ZNF618: variants seen among roughly 807,000 people sequenced by gnomAD.
The protein encoded by ZNF618 is neural precursor cell expressed, developmentally down-regulated 10.
Under a neutral mutation model 103.0 loss-of-function variants are expected in ZNF618, and 34 were observed. The ratio of observed to expected loss-of-function variants is 0.33; its 90% CI spans 0.25 to 0.44. The LOEUF (loss-of-function observed/expected upper bound fraction) is 0.44. Among genes scored for constraint, ZNF618 ranks in the 20% least tolerant of loss-of-function variants. ZNF618 has a pLI of 1.00. For synonymous variants in ZNF618, 551 were observed against 542.2 expected (o/e 1.02, Z -0.23); for missense variants, 1,059 against 1,295.4 (o/e 0.82, Z 2.80).
At chr9:113,950,530 GC>G (rs1169677717) in intron 1 of ZNF618, among the ~76,000 whole-genome samples, 3 of 152,184 alleles carry the variant, frequency 2.0e-5, no homozygotes, top group Non-Finnish European at 4.4e-5. Flanking sequence ...TGGGGTTTGA[GC>G]CCAGCCAGGC....
Position 113,922,927 on chromosome 9 carries a change from C to G in ZNF618, c.34-46190C>G, listed in dbSNP as rs186321383. Among the ~76,000 whole-genome samples the G allele has an allele frequency of 2.0e-4, 30 of 152,310 alleles. No individual in the cohort carries two copies. In the East Asian group the frequency reaches 5.4e-3, roughly 27 times the overall value. The stretch of plus-strand genomic sequence containing the variant: ...ATCTTAACAATACGGAGTCTTCCCT[C>G]CATGAACATGGAATATCTCTTTATT... On this transcript the variant is annotated intron_variant, in intron 1 of 14. Coordinates refer to ENST00000374126, the MANE Select transcript of ZNF618 (RefSeq NM_001318042.2).
intron 1 of ZNF618, among the ~76,000 whole-genome samples, chr9:113,950,014 A>G (rs570479792): frequency 6.6e-6 from 1 of 151,362 alleles, no homozygotes; most frequent in African/African-American, 2.4e-5. Flanking sequence ...CTTCCATTAA[A>G]CCCCCGTAGA....
At chr9:113,975,810 G>C (rs967063483) in intron 2 of ZNF618, among the ~76,000 whole-genome samples, 1 of 152,192 alleles carries the variant, frequency 6.6e-6, no homozygotes, top group South Asian at 2.1e-4. Context: ...TGAGAACGGG[G>C]TATGTTTTGG....
rs58064458 is a variant in ZNF618, at chr9:113,946,398, C to CA, written c.34-22701dup. Among the ~76,000 whole-genome samples the CA allele has an allele frequency of 7.4e-3, 855 of 114,814 alleles. 8 individuals carry two copies. Among genetic ancestry groups the CA allele is most frequent in the South Asian group, 0.035 (122 of 3,516 alleles). The allele number at this position is 114,814 out of a possible 152,430, so 75.3% of individuals were successfully genotyped here. ...CAATTAGTGAAGTGGGGGAAGTCTT[C>CA]AAAAAAAAAAAAAAAAAAGATGCAG... On this transcript the variant is annotated intron_variant, in intron 1 of 14. Transcript: ENST00000374126.
intron 1 of ZNF618, among the ~76,000 whole-genome samples, chr9:113,878,978 G>A (rs1331402102): frequency 6.6e-6 from 1 of 151,660 alleles, no homozygotes; most frequent in Non-Finnish European, 1.5e-5. Context: ...GGGCTGACTG[G>A]TCACATTCTG....
chr9:114,036,469 G>T (rs774789689), intron 13 of ZNF618, 92 bp downstream of exon 13: 3 of 1,341,372 alleles, frequency 2.2e-6, no homozygotes, highest in Non-Finnish European at 3.1e-6. Flanking sequence ...CCCTGGAGAA[G>T]GCCGCTCTTT....
chr9:113,989,017 C>A (rs1839766896), intron 3 of ZNF618, among the ~76,000 whole-genome samples: 1 of 152,194 alleles, frequency 6.6e-6, no homozygotes, highest in Non-Finnish European at 1.5e-5. Context: ...ATGGCACTTC[C>A]CCTGCCTCTT....
rs3748182 is a variant in ZNF618, at chr9:114,008,505, G to A, written c.705G>A (p.Thr235=). ...CCTTCGACCAAGGTGTCGTGGCCAC[G>A]GACGAGGTGAAGGAGGAGCCCCCGG... is the stretch of plus-strand genomic sequence containing the variant. The part of the protein sequence containing the change: ...ADPFDQGVVA[T]DEVKEEPPEP... Residue 235 remains threonine (T), a synonymous_variant, in exon 9 of 15, where the codon ACG becomes ACA. Coordinates refer to ENST00000374126, the MANE Select transcript of ZNF618 (RefSeq NM_001318042.2). The A allele has an allele frequency of 0.34, 548,292 of 1,612,946 alleles. 99,766 individuals are homozygous for A. The highest frequency in any genetic ancestry group is 0.64 in the East Asian group (28,452 of 44,786).
chr9:114,018,555 G>A (rs913720608), intron 10 of ZNF618, among the ~76,000 whole-genome samples: 1 of 152,216 alleles, frequency 6.6e-6, no homozygotes, highest in Non-Finnish European at 1.5e-5. Flanking sequence ...AAGATGGGGA[G>A]CTTGGCTTTG....
At chr9:113,969,302 C>G in intron 2 of ZNF618, 142 bp downstream of exon 2, 1 of 1,018,388 alleles carries the variant, frequency 9.8e-7, no homozygotes, top group Non-Finnish European at 1.5e-6. Flanking sequence ...AGTATCCAGA[C>G]TTCCCCAAAG....
intron 1 of ZNF618, among the ~76,000 whole-genome samples, chr9:113,967,704 G>C (rs1410787542): frequency 6.6e-6 from 1 of 152,212 alleles, no homozygotes; most frequent in East Asian, 1.9e-4. Context: ...GATTAAATGA[G>C]AGAAGGCATT....
intron 1 of ZNF618, among the ~76,000 whole-genome samples, chr9:113,968,465 C>T (rs1048639339): frequency 6.6e-6 from 1 of 152,128 alleles, no homozygotes; most frequent in Non-Finnish European, 1.5e-5. Context: ...CTCTGTCAGC[C>T]TCTGCATTGA....
Position 114,049,264 on chromosome 9 carries a change from G to T in ZNF618, c.1962G>T (p.Gln654His). 1.2e-6 allele frequency: 2 copies of T among 1,612,808 alleles called. No homozygotes were observed. The highest frequency in any genetic ancestry group is 2.2e-5 in the South Asian group (2 of 91,072). The change falls in exon 15 of 15, where the codon CAG (glutamine) becomes CAT (histidine). Residue 654 changes from glutamine (Q) to histidine (H), a missense_variant. This residue lies in a region of ZNF618 where 272 missense variants were observed against 380.1 expected (regional missense o/e 0.72). Transcript: ENST00000374126. ...GCGTGCTGAGCAAGCGGACACTGCA[G>T]GCCCGCAGCATGCACGAGGTCATCG... Reference protein sequence around the residue: ...VQSVLSKRTLQARSMHEVIEL... With the variant: ...VQSVLSKRTLHARSMHEVIEL...
chr9:114,025,398 AT>A (rs573365870), intron 10 of ZNF618, among the ~76,000 whole-genome samples: 48 of 152,264 alleles, frequency 3.2e-4, no homozygotes, highest in African/African-American at 1.1e-3. Context: ...CATTCTCTAA[AT>A]TTTTTTGGTC....
At chr9:113,886,056 G>A (rs919326660) in intron 1 of ZNF618, among the ~76,000 whole-genome samples, 3 of 152,164 alleles carry the variant, frequency 2.0e-5, no homozygotes, top group African/African-American at 7.2e-5. Flanking sequence ...CTGTTCCTGG[G>A]TGAGGACCCA....
chr9:114,018,712 C>T (rs7023951), intron 10 of ZNF618, among the ~76,000 whole-genome samples: 43,188 of 152,076 alleles, frequency 0.28, 6,602 homozygotes, highest in African/African-American at 0.39. Flanking sequence ...GGGCTGTCTA[C>T]TTTTCTTTCT....
chr9:114,028,014 G>A (rs1267228831), intron 10 of ZNF618: 1 of 152,224 alleles, frequency 6.6e-6, no homozygotes, highest in African/African-American at 2.4e-5. Context: ...AAGGGTTCAG[G>A]GGAGGGTGAA....
At chr9:113,883,423 C>A (rs1469533943) in intron 1 of ZNF618, among the ~76,000 whole-genome samples, 3 of 152,200 alleles carry the variant, frequency 2.0e-5, no homozygotes, top group African/African-American at 7.2e-5. Flanking sequence ...GTGAATGGGG[C>A]ATAGCAGTGC....
At chr9:113,900,623 A>G (rs980067625) in intron 1 of ZNF618, among the ~76,000 whole-genome samples, 4 of 149,112 alleles carry the variant, frequency 2.7e-5, no homozygotes, top group African/African-American at 1.0e-4. Context: ...GTCTCCTAGC[A>G]CCGTCCTCTC....
Sources: gnomAD v4.1 joint callset for allele counts (sites outside exome capture counted in the v4.1 genomes callset) on GRCh38, gnomAD v4.1.1 for gene constraint, gnomAD v4.1.1 regional missense constraint, MANE v1.5 for transcripts, NCBI Gene and HGNC (gene_info 2026-07-23, HGNC 2026-07-21) for gene names.